CD3E: variants seen among roughly 807,000 people sequenced by gnomAD.
The protein encoded by CD3E is CD3 epsilon subunit of T-cell receptor complex, also known as T-cell surface glycoprotein CD3 epsilon chain.
In CD3E, 16 loss-of-function variants were observed where a neutral mutation model predicts 34.7. That is an observed-to-expected ratio of 0.46 (90% CI 0.31 to 0.70). The LOEUF is 0.70. Among genes scored for constraint, CD3E ranks in the 30% least tolerant of loss-of-function variants. The pLI, the probability that CD3E is intolerant of heterozygous loss-of-function variation, is 0.05. For missense variants in CD3E, 223 were observed against 253.9 expected (o/e 0.88, Z 0.83); for synonymous variants, 70 against 90.8 (o/e 0.77, Z 1.30).
intron 2 of CD3E, 46 bp downstream of exon 2, chr11:118,305,047 G>T: frequency 1.3e-6 from 2 of 1,549,306 alleles, no homozygotes; most frequent in Non-Finnish European, 1.8e-6. Context: ...CAGACCGCTG[G>T]AAGGCTTACA....
chr11:118,310,441 C>A (rs1169155009), intron 4 of CD3E, among the ~76,000 whole-genome samples: 1 of 152,214 alleles, frequency 6.6e-6, no homozygotes, highest in Non-Finnish European at 1.5e-5. Context: ...CATGTTCCTG[C>A]AAAGGACGTG....
chr11:118,311,402 A>C (rs1370333587), intron 4 of CD3E, among the ~76,000 whole-genome samples: 1 of 152,240 alleles, frequency 6.6e-6, no homozygotes, highest in East Asian at 1.9e-4. Flanking sequence ...GTGGTTTATT[A>C]GTTGATTTCA....
intron 5 of CD3E, 51 bp downstream of exon 5, chr11:118,312,221 G>A: frequency 6.7e-7 from 1 of 1,503,346 alleles, no homozygotes; most frequent in Non-Finnish European, 9.3e-7. Context: ...GCAGATTGGT[G>A]GGTAGATGAG....
At chr11:118,312,451 A>G (rs1437402945) in intron 5 of CD3E, 167 bp from the exon 6 acceptor site, 7 of 820,588 alleles carry the variant, frequency 8.5e-6, no homozygotes, top group African/African-American at 1.7e-5. Flanking sequence ...TTCATTCCAC[A>G]TATCTCCTCT....
chr11:118,314,535 G>A (rs765202486), intron 8 of CD3E, 41 bp downstream of exon 8: 1 of 1,567,754 alleles, frequency 6.4e-7, no homozygotes, highest in East Asian at 2.2e-5. Flanking sequence ...TGGAGGGGAT[G>A]TCCCTCCAGG....
chr11:118,304,890 C>A lies in CD3E; in HGVS notation c.-59-4C>A. ...AAAAGTCATCTGTTTTGCTTTTTTTCCAGAAGTAGTAAGTCTGCTGGCCTC... is the reference window on the plus strand; with the variant it reads ...AAAAGTCATCTGTTTTGCTTTTTTTACAGAAGTAGTAAGTCTGCTGGCCTC... On this transcript the variant is annotated splice_polypyrimidine_tract_variant and splice_region_variant and intron_variant, in intron 1 of 8. Coordinates refer to ENST00000361763, the MANE Select transcript of CD3E (RefSeq NM_000733.4). The A allele has an allele frequency of 6.7e-7, 1 of 1,502,766 alleles. No individual in the cohort carries two copies. The highest frequency in any genetic ancestry group is 9.3e-7 in the Non-Finnish European group (1 of 1,078,496). The allele number at this position is 1,502,766 out of a possible 1,614,324, so 93.1% of individuals were successfully genotyped here. A position where few individuals can be genotyped will look rare whatever the true frequency, so the allele number is the denominator to read the frequency against.
intron 7 of CD3E, 121 bp from the exon 8 acceptor site, chr11:118,314,327 G>A (rs1277299432): frequency 2.5e-6 from 2 of 787,918 alleles, no homozygotes; most frequent in Non-Finnish European, 4.5e-6. Context: ...AACAGAAAAG[G>A]GAGCGGTAGA....
At chr11:118,307,238 A>T (rs918439471) in intron 2 of CD3E, 50 bp from the exon 3 acceptor site, 5 of 1,449,490 alleles carry the variant, frequency 3.4e-6, no homozygotes, top group Admixed American at 1.7e-5. Context: ...TTAGGAATGC[A>T]GGTACCCACA....
At chr11:118,307,938 G>A (rs1479352104) in intron 3 of CD3E, among the ~76,000 whole-genome samples, 1 of 152,180 alleles carries the variant, frequency 6.6e-6, no homozygotes, top group East Asian at 1.9e-4. Context: ...GGAGGCCGAG[G>A]TGGGCAGATC....
intron 4 of CD3E, among the ~76,000 whole-genome samples, 153 bp downstream of exon 4, chr11:118,308,594 T>A (rs1202326396): frequency 6.6e-6 from 1 of 152,186 alleles, no homozygotes; most frequent in Admixed American, 6.5e-5. Context: ...CTTGCCTGTA[T>A]TTGTTGCTAG....
At chr11:118,314,529 G>A (rs761160726) in intron 8 of CD3E, 35 bp downstream of exon 8, 8 of 1,599,952 alleles carry the variant, frequency 5.0e-6, no homozygotes, top group Non-Finnish European at 6.9e-6. Flanking sequence ...GGACGCTGGA[G>A]GGGATGTCCC....
At chr11:118,307,493 C>A (rs1338064795) in intron 3 of CD3E, among the ~76,000 whole-genome samples, 185 bp downstream of exon 3, 1 of 152,120 alleles carries the variant, frequency 6.6e-6, no homozygotes, top group Non-Finnish European at 1.5e-5. Context: ...AAGAGGGAAG[C>A]AACAGAGGCA....
chr11:118,314,962 C>T (rs1488769260), intron 8 of CD3E, among the ~76,000 whole-genome samples: 1 of 690 alleles, frequency 1.4e-3, no homozygotes, highest in African/African-American at 3.2e-3. Context: ...CACACACATA[C>T]ACACACACAC....
At chr11:118,306,171 T>A (rs1370354148) in intron 2 of CD3E, among the ~76,000 whole-genome samples, 1 of 144,306 alleles carries the variant, frequency 6.9e-6, no homozygotes, top group East Asian at 2.0e-4. Context: ...TGTTATAAAG[T>A]ATGCTTTTCC....
chr11:118,309,410 T>A (rs1357661930), intron 4 of CD3E, among the ~76,000 whole-genome samples: 1 of 152,158 alleles, frequency 6.6e-6, no homozygotes, highest in African/African-American at 2.4e-5. Context: ...ACTCCATCTC[T>A]GCTAAAAATA....
chr11:118,304,891 CAGA>C lies in CD3E; in HGVS notation c.-59_-57del, dbSNP rs1948097329. On this transcript the variant is annotated splice_acceptor_variant and 5_prime_UTR_variant, in exon 2 of 9. Transcript: ENST00000361763. LOFTEE classifies it low-confidence loss of function (5UTR_SPLICE). ...AAAGTCATCTGTTTTGCTTTTTTTC[CAGA>C]AGTAGTAAGTCTGCTGGCCTCCGCC... 1 of 1,512,488 alleles carries C rather than the reference CAGA, an allele frequency of 6.6e-7. No individual in the cohort carries two copies. The highest frequency in any genetic ancestry group is 9.2e-7 in the Non-Finnish European group (1 of 1,087,292). The allele number at this position is 1,512,488 out of a possible 1,614,324, so 93.7% of individuals were successfully genotyped here. A position where few individuals can be genotyped will look rare whatever the true frequency, so the allele number is the denominator to read the frequency against.
chr11:118,308,059 C>A (rs1243889816), intron 3 of CD3E, among the ~76,000 whole-genome samples: 1 of 152,166 alleles, frequency 6.6e-6, no homozygotes, highest in African/African-American at 2.4e-5. Context: ...GTCCTAGCTA[C>A]TCGAGAAGCT....
chr11:118,312,963 C>G (rs1948144429), intron 6 of CD3E, 97 bp downstream of exon 6: 1 of 1,417,856 alleles, frequency 7.1e-7, no homozygotes, highest in East Asian at 2.3e-5. Context: ...CTCACAGTGC[C>G]CAGGCGTCTT....
In CD3E at chr11:118,312,730, TA is replaced by T; in HGVS notation, c.221del (p.Asn74ThrfsTer2). ...DKNIGGDEDD[K>X]NIGSDEDHLS... ...AAAACATAGGCGGTGATGAGGATGA[TA>T]AAAACATAGGCAGTGATGAGGATCA... On this transcript the variant is annotated frameshift_variant, in exon 6 of 9. Coordinates refer to ENST00000361763, the MANE Select transcript of CD3E (RefSeq NM_000733.4). LOFTEE classifies it high-confidence loss of function. 6.2e-7 allele frequency: 1 copy of T among 1,614,064 alleles called. No individual in the cohort carries two copies. Among genetic ancestry groups the T allele is most frequent in the Non-Finnish European group, 8.5e-7 (1 of 1,180,014 alleles).
Sources: gnomAD v4.1 joint callset for allele counts (sites outside exome capture counted in the v4.1 genomes callset) on GRCh38, gnomAD v4.1.1 for gene constraint, MANE v1.5 for transcripts, NCBI Gene and HGNC (gene_info 2026-07-23, HGNC 2026-07-21) for gene names.